The following DRC8 variants were observed in gnomAD, a reference collection of about 807,000 sequenced individuals.
DRC8 encodes dynein regulatory complex protein 8.
At chr1:245,020,108 G>A in the DRC8 span, among the ~76,000 whole-genome samples, 6 of 152,168 alleles carry the variant, frequency 3.9e-5, no homozygotes, top group Non-Finnish European at 8.8e-5. Flanking sequence ...TATCCCTCAG[G>A]TGGAGGTTTG....
chr1:244,971,071 C>T, the DRC8 span: 1 of 155,314 alleles, frequency 6.4e-6, no homozygotes, highest in East Asian at 1.9e-4. Flanking sequence ...TTCGCGGCCA[C>T]CATTTTGCCT....
At chr1:245,117,134 C>T in the DRC8 span, among the ~76,000 whole-genome samples, 2 of 152,160 alleles carry the variant, frequency 1.3e-5, no homozygotes, top group African/African-American at 2.4e-5. Context: ...CTCACTGCAA[C>T]CTCTGCTTCC....
chr1:245,098,083 G>A, the DRC8 span, among the ~76,000 whole-genome samples: 207 of 152,308 alleles, frequency 1.4e-3, no homozygotes, highest in African/African-American at 4.5e-3. Flanking sequence ...AGTGAAAGGC[G>A]GTTGGATTTG....
the DRC8 span, among the ~76,000 whole-genome samples, chr1:245,014,128 G>A: frequency 3.3e-5 from 5 of 151,568 alleles, no homozygotes; most frequent in African/African-American, 1.2e-4. Flanking sequence ...ACTTTCATCT[G>A]TGTCTTTTTC....
At chr1:245,050,774 T>G in the DRC8 span, among the ~76,000 whole-genome samples, 1 of 151,872 alleles carries the variant, frequency 6.6e-6, no homozygotes, top group African/African-American at 2.4e-5. Context: ...TTTTTTGGAG[T>G]TTTTTCTTCC....
chr1:245,043,126 C>T, the DRC8 span, among the ~76,000 whole-genome samples: 2 of 152,134 alleles, frequency 1.3e-5, no homozygotes. Flanking sequence ...AAGACATCTA[C>T]GTTGACAAAA....
At chr1:245,085,891 G>C in the DRC8 span, among the ~76,000 whole-genome samples, 4 of 152,244 alleles carry the variant, frequency 2.6e-5, no homozygotes, top group Admixed American at 6.5e-5. Flanking sequence ...CATGGGTCAT[G>C]ATGAGTAACA....
At chr1:245,052,236 C>T in the DRC8 span, among the ~76,000 whole-genome samples, 2 of 152,148 alleles carry the variant, frequency 1.3e-5, no homozygotes, top group Non-Finnish European at 2.9e-5. Flanking sequence ...TGTCATAGGC[C>T]ACGCTTTTTT....
the DRC8 span, among the ~76,000 whole-genome samples, chr1:245,035,041 T>C: frequency 1.0e-3 from 156 of 152,244 alleles, no homozygotes; most frequent in East Asian, 0.022. Context: ...CTAGCTAAAA[T>C]GGTCAACTTT....
the DRC8 span, among the ~76,000 whole-genome samples, chr1:245,046,755 A>T: frequency 6.6e-6 from 1 of 152,114 alleles, no homozygotes; most frequent in South Asian, 2.1e-4. Context: ...TCATTTGAGG[A>T]AAGAGACATT....
the DRC8 span, among the ~76,000 whole-genome samples, chr1:245,055,994 C>A: frequency 6.6e-6 from 1 of 152,176 alleles, no homozygotes; most frequent in Admixed American, 6.5e-5. Flanking sequence ...GCCTTGAACC[C>A]CTGGCCTCCA....
At chr1:244,986,134 T>C in the DRC8 span, among the ~76,000 whole-genome samples, 1 of 151,798 alleles carries the variant, frequency 6.6e-6, no homozygotes, top group South Asian at 2.1e-4. Context: ...TTTATATTTT[T>C]AGTAGAGACG....
At chr1:245,104,460 C>A in the DRC8 span, among the ~76,000 whole-genome samples, 1 of 150,298 alleles carries the variant, frequency 6.7e-6, no homozygotes, top group Non-Finnish European at 1.5e-5. Flanking sequence ...GCGGAGATTG[C>A]GCCACTGCAC....
chr1:244,972,309 T>C, the DRC8 span, among the ~76,000 whole-genome samples: 2 of 152,270 alleles, frequency 1.3e-5, no homozygotes, highest in African/African-American at 4.8e-5. Flanking sequence ...AAAGACATTG[T>C]CTTTGCTTCC....
At chr1:245,023,601 C>T in the DRC8 span, among the ~76,000 whole-genome samples, 2 of 152,142 alleles carry the variant, frequency 1.3e-5, no homozygotes, top group Non-Finnish European at 2.9e-5. Context: ...AATAACCATC[C>T]TACTGGGTGT....
At chr1:244,990,002 T>C in the DRC8 span, among the ~76,000 whole-genome samples, 1 of 152,262 alleles carries the variant, frequency 6.6e-6, no homozygotes, top group Non-Finnish European at 1.5e-5. Flanking sequence ...TTTATCCACA[T>C]TGTATATGCT....
At chr1:245,109,096 GA>G in the DRC8 span, among the ~76,000 whole-genome samples, 1 of 152,164 alleles carries the variant, frequency 6.6e-6, no homozygotes, top group Admixed American at 6.5e-5. Context: ...AACTGGAGCT[GA>G]ATCTTGCTGG....
the DRC8 span, among the ~76,000 whole-genome samples, chr1:245,016,423 G>A: frequency 1.3e-5 from 2 of 152,164 alleles, no homozygotes; most frequent in East Asian, 3.9e-4. Context: ...TCTGCCCAAG[G>A]GTCGCCTTAC....
At chr1:245,052,541 G>T in the DRC8 span, among the ~76,000 whole-genome samples, 5 of 152,224 alleles carry the variant, frequency 3.3e-5, no homozygotes, top group Admixed American at 6.5e-5. Context: ...TCTGTGGCGG[G>T]CAGCTTGTTA....
Sources: gnomAD v4.1 joint callset for allele counts (sites outside exome capture counted in the v4.1 genomes callset) on GRCh38, gnomAD v4.1.1 for gene constraint, MANE v1.5 for transcripts, NCBI Gene and HGNC (gene_info 2026-07-23, HGNC 2026-07-21) for gene names.